Variants in DCHS2 observed in about 807,000 individuals in gnomAD.
DCHS2 encodes the protein dachsous cadherin-related 2, also known as protocadherin-23.
Under a neutral mutation model 182.4 loss-of-function variants are expected in DCHS2, and 142 were observed. That is an observed-to-expected ratio of 0.78 (90% CI 0.68 to 0.89). DCHS2 has a LOEUF of 0.89. Ranked by LOEUF, DCHS2 falls within the 40% of genes least tolerant of loss-of-function variation. The pLI, the probability that DCHS2 is intolerant of heterozygous loss-of-function variation, is 0.00. For synonymous variants in DCHS2, 1,740 were observed against 1,663.3 expected (o/e 1.05, Z -1.12); for missense variants, 4,319 against 4,198.6 (o/e 1.03, Z -0.79).
At chr4:154,247,003 T>A (rs1387730218) in intron 16 of DCHS2, among the ~76,000 whole-genome samples, 1 of 152,172 alleles carries the variant, frequency 6.6e-6, no homozygotes, top group Non-Finnish European at 1.5e-5. Flanking sequence ...TCAATGAATT[T>A]TCCTTTTCAA....
At position 154,490,444 on chromosome 4, in the gene DCHS2, C is replaced by T; in HGVS notation, c.912G>A (p.Ala304=). 2 of 1,535,076 alleles carry T rather than the reference C, an allele frequency of 1.3e-6. No homozygotes were observed. Among genetic ancestry groups the T allele is most frequent in the Non-Finnish European group, 1.7e-6 (2 of 1,145,718 alleles). ...CGCCCGGCTGGGCGTCCTCGCGCAC[C>T]GCGGCGCGGTACTCGTCCTGCTCAA... ...PVFEQDEYRA[A]VREDAQPGAE... is the part of the protein sequence containing the mutation. The change falls in exon 1 of 20, where the codon GCG becomes GCA. Residue 304 remains alanine (A), a synonymous_variant. Transcript: ENST00000357232.
intron 19 of DCHS2, 137 bp from the exon 20 acceptor site, chr4:154,237,296 C>T: frequency 8.7e-7 from 1 of 1,148,594 alleles, no homozygotes; most frequent in Non-Finnish European, 1.2e-6. Context: ...TGAACAATGA[C>T]TCCAAATAGA....
At chr4:154,384,418 T>C (rs1731309780) in intron 1 of DCHS2, 2 of 1,613,304 alleles carry the variant, frequency 1.2e-6, no homozygotes, top group Admixed American at 1.7e-5. Context: ...CTGAACACTA[T>C]AGCACCCCAG....
intron 9 of DCHS2, among the ~76,000 whole-genome samples, chr4:154,318,822 C>T (rs1258706658): frequency 6.6e-6 from 1 of 152,070 alleles, no homozygotes; most frequent in Admixed American, 6.6e-5. Context: ...ATCTCAGTGG[C>T]ATTTGTTGTA....
At chr4:154,404,226 A>T (rs1261061791) in intron 1 of DCHS2, among the ~76,000 whole-genome samples, 1 of 152,090 alleles carries the variant, frequency 6.6e-6, no homozygotes, top group Non-Finnish European at 1.5e-5. Flanking sequence ...ATTACCATTC[A>T]ATTCAAAATA....
intron 1 of DCHS2, among the ~76,000 whole-genome samples, chr4:154,476,283 CA>C (rs766462050): frequency 6.6e-6 from 1 of 152,068 alleles, no homozygotes; most frequent in Non-Finnish European, 1.5e-5. Context: ...ATTTAAGAAA[CA>C]AAATCACTCT....
chr4:154,430,665 G>A lies in DCHS2; in HGVS notation c.2053-53221C>T, dbSNP rs545295987. ...TTCTAAGCATGAGTTGTGTGGTGTA[G>A]CATCTATCAATCTTCTTCAAAATGT... On this transcript the variant is annotated intron_variant, in intron 1 of 19. Transcript: ENST00000357232. Among the ~76,000 whole-genome samples, 4 of 152,276 alleles carry A rather than the reference G, an allele frequency of 2.6e-5. No individual in the cohort carries two copies. In the South Asian group the frequency reaches 8.3e-4, roughly 32 times the overall value.
intron 1 of DCHS2, among the ~76,000 whole-genome samples, chr4:154,446,285 T>C (rs574858356): frequency 6.6e-6 from 1 of 152,170 alleles, no homozygotes; most frequent in Non-Finnish European, 1.5e-5. Flanking sequence ...AATACATCCT[T>C]GAGAGTCAAA....
chr4:154,475,318 CAATT>C (rs1385246549), intron 1 of DCHS2, among the ~76,000 whole-genome samples: 1 of 152,024 alleles, frequency 6.6e-6, no homozygotes, highest in Non-Finnish European at 1.5e-5. Context: ...ATTTATTAGC[CAATT>C]AAAGTATCAA....
chr4:154,476,384 A>G (rs182108668), intron 1 of DCHS2, among the ~76,000 whole-genome samples: 1 of 152,366 alleles, frequency 6.6e-6, no homozygotes, highest in Admixed American at 6.5e-5. Flanking sequence ...TTTACATGAA[A>G]TGGAAAGATC....
intron 1 of DCHS2, among the ~76,000 whole-genome samples, chr4:154,479,832 C>T (rs10517593): frequency 0.52 from 79,018 of 151,916 alleles, 21,037 homozygotes; most frequent in East Asian, 0.84. Flanking sequence ...TTATGCTGGA[C>T]GCTGATAGAG....
intron 9 of DCHS2, among the ~76,000 whole-genome samples, chr4:154,316,429 C>T (rs1735858205): frequency 1.3e-5 from 2 of 152,018 alleles, no homozygotes; most frequent in African/African-American, 2.4e-5. Flanking sequence ...AAGAATTATG[C>T]TCTCTTAATA....
At chr4:154,366,732 G>T (rs1197109045) in intron 2 of DCHS2, among the ~76,000 whole-genome samples, 4 of 152,054 alleles carry the variant, frequency 2.6e-5, no homozygotes, top group African/African-American at 4.8e-5. Flanking sequence ...TAACAGCATG[G>T]TATGTACACT....
chr4:154,472,875 A>C (rs1312722161), intron 1 of DCHS2, among the ~76,000 whole-genome samples: 2 of 152,146 alleles, frequency 1.3e-5, no homozygotes, highest in African/African-American at 4.8e-5. Context: ...CTTCATTAGA[A>C]TAACATTTCA....
At chr4:154,357,364 A>G (rs1249666973) in intron 3 of DCHS2, 1 of 1,348,348 alleles carries the variant, frequency 7.4e-7, no homozygotes, top group Non-Finnish European at 1.1e-6. Flanking sequence ...GGAGCAGGGA[A>G]AAGCAAAAAG....
At chr4:154,370,215 G>C (rs1044088088) in intron 2 of DCHS2, among the ~76,000 whole-genome samples, 26 of 152,264 alleles carry the variant, frequency 1.7e-4, no homozygotes, top group African/African-American at 6.0e-4. Flanking sequence ...AGCATCTAAA[G>C]AATATTTTCA....
At position 154,236,707 on chromosome 4, in the gene DCHS2, C is replaced by G; in HGVS notation, c.7945G>C (p.Ala2649Pro). ...DSGCPPLSST[A>P]VISIQVLDVN... ...TCAAGTACTTGTATTGATATGACAG[C>G]TGTGGAACTCAATGGAGGGCAGCCA... is the stretch of plus-strand genomic sequence containing the variant. Residue 2649 changes from alanine (A) to proline (P), a missense_variant, in exon 20 of 20, where the codon GCT becomes CCT. Ala to Pro is a conservative substitution (Grantham distance 27, BLOSUM62 -1). Transcript: ENST00000357232. 1.2e-6 allele frequency: 2 copies of G among 1,613,978 alleles called. No individual in the cohort carries two copies. The highest frequency in any genetic ancestry group is 1.7e-6 in the Non-Finnish European group (2 of 1,179,946).
intron 1 of DCHS2, among the ~76,000 whole-genome samples, chr4:154,426,562 T>C (rs1023081280): frequency 6.6e-6 from 1 of 152,082 alleles, no homozygotes; most frequent in Non-Finnish European, 1.5e-5. Flanking sequence ...TCAGTACAAA[T>C]ATATAACTAG....
At chr4:154,255,854 G>C (rs76606877) in intron 15 of DCHS2, among the ~76,000 whole-genome samples, 184 bp from the exon 16 acceptor site, 6,874 of 152,208 alleles carry the variant, frequency 0.045, 488 homozygotes, top group African/African-American at 0.16. Context: ...CTGAGTGATG[G>C]GGGAAATTCT....
Sources: allele counts gnomAD v4.1 joint callset (sites outside exome capture counted in the v4.1 genomes callset), GRCh38; gene constraint gnomAD v4.1.1; transcripts MANE v1.5; gene names NCBI Gene and HGNC (gene_info 2026-07-23, HGNC 2026-07-21).